The following PPFIBP1 variants were observed in gnomAD, a reference collection of about 807,000 sequenced individuals.
The protein encoded by PPFIBP1 is liprin-beta-1.
PPFIBP1 carries 112 observed loss-of-function variants against 137.8 expected under a neutral mutation model. That is an observed-to-expected ratio of 0.81 (90% CI 0.70 to 0.95). PPFIBP1 has a LOEUF of 0.95. Ranked by LOEUF, PPFIBP1 falls within the 40% of genes least tolerant of loss-of-function variation. The probability of loss-of-function intolerance (pLI) is 0.00; values close to 1 mark genes in which losing one functional copy is unlikely to be tolerated. For synonymous variants in PPFIBP1, 378 were observed against 417.3 expected (o/e 0.91, Z 1.15); for missense variants, 1,083 against 1,196.6 (o/e 0.91, Z 1.40).
chr12:27,602,492 A>T (rs1425916710), intron 2 of PPFIBP1, among the ~76,000 whole-genome samples: 1 of 152,258 alleles, frequency 6.6e-6, no homozygotes, highest in Non-Finnish European at 1.5e-5. Context: ...ACCATGCTGT[A>T]CATCAGATCC....
intron 1 of PPFIBP1, among the ~76,000 whole-genome samples, chr12:27,546,033 T>A (rs1255488079): frequency 6.6e-6 from 1 of 152,168 alleles, no homozygotes; most frequent in Non-Finnish European, 1.5e-5. Context: ...TTGACGGTGA[T>A]CTGCGGCCCT....
intron 24 of PPFIBP1, among the ~76,000 whole-genome samples, chr12:27,685,111 G>A (rs960936328): frequency 2.0e-5 from 3 of 151,980 alleles, no homozygotes; most frequent in African/African-American, 4.8e-5. Flanking sequence ...TACGCTGCTT[G>A]TGATTTTAAG....
intron 4 of PPFIBP1, among the ~76,000 whole-genome samples, chr12:27,638,716 G>T (rs1355546449): frequency 6.6e-6 from 1 of 152,156 alleles, no homozygotes; most frequent in Non-Finnish European, 1.5e-5. Flanking sequence ...TGGGAGTTAG[G>T]TTACAAACCA....
At chr12:27,678,751 G>A (rs1184979567) in intron 19 of PPFIBP1, among the ~76,000 whole-genome samples, 1 of 150,906 alleles carries the variant, frequency 6.6e-6, no homozygotes, top group African/African-American at 2.4e-5. Context: ...CCAGCTACCT[G>A]GGACACTGAG....
At chr12:27,585,204 C>A (rs938073228) in intron 2 of PPFIBP1, among the ~76,000 whole-genome samples, 1 of 152,140 alleles carries the variant, frequency 6.6e-6, no homozygotes, top group African/African-American at 2.4e-5. Context: ...AATGCAATGG[C>A]TTTAAAAAAA....
Position 27,627,208 on chromosome 12 carries a change from A to G in PPFIBP1, c.-35-6154A>G, listed in dbSNP as rs60248897. ...CAAATATGATGTCTCTGTTTTTAAGATAGTTTCTCTTTGCTGAGATTGTAT... is the reference window on the plus strand; with the variant it reads ...CAAATATGATGTCTCTGTTTTTAAGGTAGTTTCTCTTTGCTGAGATTGTAT... On this transcript the variant is annotated intron_variant, in intron 2 of 29. Transcript: ENST00000228425. Among the ~76,000 whole-genome samples, 214 of 152,302 alleles carry G rather than the reference A, an allele frequency of 1.4e-3. 1 individual carries two copies. Among genetic ancestry groups the G allele is most frequent in the African/African-American group, 5.0e-3 (207 of 41,570 alleles).
At chr12:27,555,094 C>T (rs539005741) in intron 1 of PPFIBP1, among the ~76,000 whole-genome samples, 4 of 152,160 alleles carry the variant, frequency 2.6e-5, no homozygotes, top group South Asian at 2.1e-4. Context: ...AGTAAGCAAA[C>T]GAGCCAAGCT....
intron 2 of PPFIBP1, among the ~76,000 whole-genome samples, chr12:27,605,698 C>T (rs1352095948): frequency 6.6e-6 from 1 of 152,124 alleles, no homozygotes; most frequent in Non-Finnish European, 1.5e-5. Flanking sequence ...GGTCTGTGGG[C>T]CACACAATTC....
chr12:27,615,812 A>G (rs534802226), intron 2 of PPFIBP1, among the ~76,000 whole-genome samples: 2 of 152,228 alleles, frequency 1.3e-5, no homozygotes, highest in Admixed American at 6.5e-5. Flanking sequence ...CCACACTCCA[A>G]TCCCTGCTGG....
chr12:27,588,535 A>G (rs1356182143), intron 2 of PPFIBP1, among the ~76,000 whole-genome samples: 1 of 152,160 alleles, frequency 6.6e-6, no homozygotes, highest in Non-Finnish European at 1.5e-5. Context: ...ACACACATTA[A>G]CTATGAAGAT....
intron 1 of PPFIBP1, among the ~76,000 whole-genome samples, chr12:27,562,853 C>T (rs1293637417): frequency 6.6e-6 from 1 of 152,110 alleles, no homozygotes; most frequent in Non-Finnish European, 1.5e-5. Flanking sequence ...TGAAATAATT[C>T]ATATAAAAGC....
chr12:27,686,478 A>G (rs1379977257), intron 24 of PPFIBP1, among the ~76,000 whole-genome samples: 1 of 152,146 alleles, frequency 6.6e-6, no homozygotes, highest in Non-Finnish European at 1.5e-5. Flanking sequence ...GAAGGGGTTG[A>G]TTGGTAATAT....
chr12:27,692,674 A>G lies in PPFIBP1; in HGVS notation c.2931+18A>G, dbSNP rs762522785. 58 of 1,613,992 alleles carry G rather than the reference A, an allele frequency of 3.6e-5. No homozygotes were observed. Among genetic ancestry groups the G allele is most frequent in the Non-Finnish European group, 4.7e-5 (55 of 1,179,952 alleles). On this transcript the variant is annotated intron_variant, in intron 29 of 29. Coordinates refer to ENST00000228425, the MANE Select transcript of PPFIBP1 (RefSeq NM_003622.4). ...ATCTGACGGTGAGTTTGTGAAATGA[A>G]TTGAAAATGTTATTCTATAAATGTC...
At chr12:27,664,562 T>G (rs1423397918) in intron 12 of PPFIBP1, 116 bp downstream of exon 12, 57 of 695,958 alleles carry the variant, frequency 8.2e-5, no homozygotes, top group Middle Eastern at 4.8e-4. Flanking sequence ...ATTAGGTAGC[T>G]AATTCGTTAA....
intron 11 of PPFIBP1, among the ~76,000 whole-genome samples, chr12:27,662,270 G>T (rs1378213445): frequency 3.3e-5 from 5 of 152,206 alleles, no homozygotes; most frequent in Non-Finnish European, 5.9e-5. Flanking sequence ...CTGGGATTGT[G>T]CTGGAACATG....
intron 11 of PPFIBP1, among the ~76,000 whole-genome samples, chr12:27,662,688 A>G (rs2059623646): frequency 6.6e-6 from 1 of 152,258 alleles, no homozygotes. Context: ...AGACTCAAGT[A>G]CTGAAGGGAA....
chr12:27,594,333 A>G (rs2052929681), intron 2 of PPFIBP1, among the ~76,000 whole-genome samples: 2 of 151,946 alleles, frequency 1.3e-5, no homozygotes, highest in Non-Finnish European at 2.9e-5. Context: ...ACCCGCCACA[A>G]TGCCCAGCTA....
chr12:27,577,516 A>G (rs2050673171), intron 1 of PPFIBP1, among the ~76,000 whole-genome samples: 1 of 152,350 alleles, frequency 6.6e-6, no homozygotes, highest in African/African-American at 2.4e-5. Flanking sequence ...GGGCATCTCA[A>G]AAGGAACGTT....
chr12:27,674,990 C>T (rs957025415), intron 17 of PPFIBP1, among the ~76,000 whole-genome samples: 10 of 126,476 alleles, frequency 7.9e-5, no homozygotes, highest in Admixed American at 2.4e-4. Context: ...TTTTTTTTTT[C>T]GTTTGTTTTT....
Sources: gnomAD v4.1 joint callset for allele counts (sites outside exome capture counted in the v4.1 genomes callset) on GRCh38, gnomAD v4.1.1 for gene constraint, MANE v1.5 for transcripts, NCBI Gene and HGNC (gene_info 2026-07-23, HGNC 2026-07-21) for gene names.